The following PHLPP1 variants were observed in gnomAD, a reference collection of about 807,000 sequenced individuals.
The protein encoded by PHLPP1 is PH domain and leucine rich repeat protein phosphatase 1, also known as PH domain leucine-rich repeat-containing protein phosphatase 1.
In PHLPP1, 42 loss-of-function variants were observed where a neutral mutation model predicts 117.2. The ratio of observed to expected loss-of-function variants is 0.36; its 90% CI spans 0.28 to 0.46. PHLPP1 has a LOEUF of 0.46. Among genes scored for constraint, PHLPP1 ranks in the 20% least tolerant of loss-of-function variants. PHLPP1 has a pLI of 1.00. For missense variants in PHLPP1, 2,084 were observed against 2,241.9 expected, an observed-to-expected ratio of 0.93 and a Z score of 1.42; for synonymous variants, 1,042 against 970.7, an observed-to-expected ratio of 1.07 and a Z score of -1.37.
chr18:62,961,521 T>C (rs1163860595), intron 13 of PHLPP1, among the ~76,000 whole-genome samples: 5 of 152,164 alleles, frequency 3.3e-5, no homozygotes, highest in African/African-American at 7.2e-5. Flanking sequence ...CTGTAAAAAT[T>C]ATAAATGCCT....
chr18:62,724,461 A>G (rs1158402811), intron 1 of PHLPP1, among the ~76,000 whole-genome samples: 1 of 152,198 alleles, frequency 6.6e-6, no homozygotes, highest in Non-Finnish European at 1.5e-5. Context: ...TGTAGAGATA[A>G]TTTAGTCCAA....
chr18:62,901,609 A>C (rs1336451570), intron 6 of PHLPP1, among the ~76,000 whole-genome samples: 1 of 148,830 alleles, frequency 6.7e-6, no homozygotes, highest in Non-Finnish European at 1.5e-5. Flanking sequence ...CTCTAGACTT[A>C]TATTAATACT....
At chr18:62,795,781 C>T (rs1233595376) in intron 1 of PHLPP1, among the ~76,000 whole-genome samples, 1 of 152,166 alleles carries the variant, frequency 6.6e-6, no homozygotes, top group East Asian at 1.9e-4. Flanking sequence ...CTAGCCCTTC[C>T]CACTCAATTT....
intron 1 of PHLPP1, among the ~76,000 whole-genome samples, chr18:62,797,650 C>T (rs779255842): frequency 2.6e-5 from 4 of 152,108 alleles, no homozygotes; most frequent in East Asian, 1.9e-4. Flanking sequence ...ATTTTCTTAC[C>T]GTTCTTCAAC....
intron 1 of PHLPP1, among the ~76,000 whole-genome samples, chr18:62,740,620 C>T (rs537762781): frequency 4.1e-4 from 63 of 152,228 alleles, no homozygotes; most frequent in Admixed American, 5.9e-4. Flanking sequence ...GGGCTAGATG[C>T]CAAGATTTTA....
intron 13 of PHLPP1, among the ~76,000 whole-genome samples, chr18:62,960,819 A>G (rs1910746857): frequency 6.6e-6 from 1 of 151,998 alleles, no homozygotes; most frequent in Admixed American, 6.6e-5. Context: ...AAATCATAAT[A>G]CTCTTAAAAT....
At chr18:62,869,496 CTCTT>C (rs1192042273) in intron 4 of PHLPP1, among the ~76,000 whole-genome samples, 1 of 152,214 alleles carries the variant, frequency 6.6e-6, no homozygotes, top group Non-Finnish European at 1.5e-5. Flanking sequence ...TTGTACCCTT[CTCTT>C]TATTACCCTA....
intron 10 of PHLPP1, among the ~76,000 whole-genome samples, chr18:62,937,596 C>T (rs1382349700): frequency 6.6e-6 from 1 of 152,208 alleles, no homozygotes; most frequent in Non-Finnish European, 1.5e-5. Context: ...AGTTTTATTT[C>T]TGTCTCTGCC....
intron 1 of PHLPP1, among the ~76,000 whole-genome samples, chr18:62,829,250 C>T (rs922745091): frequency 1.3e-5 from 2 of 152,056 alleles, no homozygotes; most frequent in South Asian, 4.1e-4. Flanking sequence ...GTTTCCTTTA[C>T]AGTAAATATA....
chr18:62,720,961 G>A (rs755234500), intron 1 of PHLPP1, among the ~76,000 whole-genome samples: 2 of 152,136 alleles, frequency 1.3e-5, no homozygotes, highest in Non-Finnish European at 2.9e-5. Flanking sequence ...CTGACTCGTC[G>A]TATTTCCGTC....
Position 62,716,680 on chromosome 18 carries a change from C to T in PHLPP1, c.997C>T (p.Pro333Ser). ...CCCCGGCGAGCCGTTCGTTGGGGGCCCTGTCTCTTCGCCCCGCGCCCCACG... is the reference window on the plus strand; with the variant it reads ...CCCCGGCGAGCCGTTCGTTGGGGGCTCTGTCTCTTCGCCCCGCGCCCCACG... ...SSPGEPFVGG[P>S]VSSPRAPRPV... Residue 333 changes from proline to serine, a missense_variant, in exon 1 of 17, where the codon CCT (proline) becomes TCT (serine). By Grantham distance (74) the Pro-to-Ser change is moderately conservative. Coordinates refer to ENST00000262719, the MANE Select transcript of PHLPP1 (RefSeq NM_194449.4). The surrounding 1 kb of genome is among the most constrained non-coding windows in gnomAD (Gnocchi z 5.7). 3 of 1,465,410 alleles carry T rather than the reference C, an allele frequency of 2.0e-6. No homozygotes were observed. In the East Asian group the frequency reaches 8.7e-5, roughly 43 times the overall value. 90.8% of individuals were successfully genotyped at this position (1,465,410 alleles called of 1,614,324 possible). A position where few individuals can be genotyped will look rare whatever the true frequency, so the allele number is the denominator to read the frequency against.
chr18:62,885,005 G>A (rs142888210), intron 4 of PHLPP1, among the ~76,000 whole-genome samples: 51 of 152,192 alleles, frequency 3.4e-4, no homozygotes, highest in African/African-American at 1.2e-3. Flanking sequence ...CTGTTTATTT[G>A]GTTTTATTTC....
At chr18:62,800,406 G>A (rs1239850588) in intron 1 of PHLPP1, among the ~76,000 whole-genome samples, 1 of 152,166 alleles carries the variant, frequency 6.6e-6, no homozygotes, top group Admixed American at 6.5e-5. Context: ...ATTATTTTTA[G>A]TAAGTTCAGT....
intron 1 of PHLPP1, among the ~76,000 whole-genome samples, chr18:62,742,035 C>T (rs1911544566): frequency 6.6e-6 from 1 of 152,024 alleles, no homozygotes; most frequent in Non-Finnish European, 1.5e-5. Flanking sequence ...TCTGTTAAGT[C>T]TAGCTACAAA....
chr18:62,918,969 G>A (rs142530257), intron 9 of PHLPP1, among the ~76,000 whole-genome samples: 207 of 152,102 alleles, frequency 1.4e-3, no homozygotes, highest in African/African-American at 4.7e-3. Context: ...ATGCTAATTT[G>A]TGTTAATTAA....
chr18:62,956,577 T>G (rs1910616578), intron 12 of PHLPP1, among the ~76,000 whole-genome samples: 1 of 152,152 alleles, frequency 6.6e-6, no homozygotes. Flanking sequence ...TGCACCTATG[T>G]TTGAGATTTT....
At chr18:62,923,242 T>C (rs1019229580) in intron 10 of PHLPP1, among the ~76,000 whole-genome samples, 2 of 152,150 alleles carry the variant, frequency 1.3e-5, no homozygotes, top group Admixed American at 6.5e-5. Flanking sequence ...CAGGGCAGGA[T>C]AAATGCATTT....
chr18:62,928,646 T>G (rs768521361), intron 10 of PHLPP1, among the ~76,000 whole-genome samples: 2 of 152,184 alleles, frequency 1.3e-5, no homozygotes, highest in Non-Finnish European at 2.9e-5. Flanking sequence ...GCAGTTCTAC[T>G]CTTAGGTATA....
intron 10 of PHLPP1, among the ~76,000 whole-genome samples, chr18:62,926,767 A>G (rs748643405): frequency 3.3e-5 from 5 of 152,188 alleles, no homozygotes; most frequent in Non-Finnish European, 7.4e-5. Flanking sequence ...CTACTGAGCT[A>G]GAGCATCTTC....
Sources: allele counts gnomAD v4.1 joint callset (sites outside exome capture counted in the v4.1 genomes callset), GRCh38; gene constraint gnomAD v4.1.1; non-coding constraint Gnocchi (gnomAD v3.1); transcripts MANE v1.5; gene names NCBI Gene and HGNC (gene_info 2026-07-23, HGNC 2026-07-21).